The following FHIT variants were observed in gnomAD, a reference collection of about 807,000 sequenced individuals.
FHIT encodes bis(5'-adenosyl)-triphosphatase.
In FHIT, 19 loss-of-function variants were observed where a neutral mutation model predicts 17.9. The ratio of observed to expected loss-of-function variants is 1.06; its 90% CI spans 0.74 to 1.56. FHIT has a LOEUF of 1.56. FHIT is among the 40% of genes most tolerant of loss of function. The pLI is 0.00. For missense variants in FHIT, 248 were observed against 189.2 expected (o/e 1.31, Z -1.82); for synonymous variants, 81 against 69.7 (o/e 1.16, Z -0.81).
chr3:60,851,174 G>T (rs782166382), intron 3 of FHIT, among the ~76,000 whole-genome samples: 1 of 152,118 alleles, frequency 6.6e-6, no homozygotes, highest in African/African-American at 2.4e-5. Context: ...TAGCTGAGTG[G>T]CATCTTAAAT....
At chr3:59,794,996 G>A (rs7649319) in intron 8 of FHIT, among the ~76,000 whole-genome samples, 4,056 of 152,240 alleles carry the variant, frequency 0.027, 182 homozygotes, top group African/African-American at 0.09. Context: ...GCATAATAAT[G>A]GAACTTACTT....
intron 5 of FHIT, among the ~76,000 whole-genome samples, chr3:60,381,788 G>A (rs992854285): frequency 6.8e-6 from 1 of 146,292 alleles, no homozygotes; most frequent in Non-Finnish European, 1.5e-5. Flanking sequence ...ATAGACTAGA[G>A]GCTTAATAGT....
chr3:60,387,218 C>T (rs571879826), intron 5 of FHIT, among the ~76,000 whole-genome samples: 25 of 151,968 alleles, frequency 1.6e-4, no homozygotes, highest in Admixed American at 3.9e-4. Flanking sequence ...CTGGAACTCC[C>T]GACCTCAAGT....
At chr3:60,977,680 T>C (rs1021145363) in intron 3 of FHIT, among the ~76,000 whole-genome samples, 1 of 152,126 alleles carries the variant, frequency 6.6e-6, no homozygotes, top group African/African-American at 2.4e-5. Context: ...GAGACCAGGC[T>C]GACCAACATA....
At chr3:60,103,946 C>T (rs1343550744) in intron 5 of FHIT, among the ~76,000 whole-genome samples, 2 of 152,136 alleles carry the variant, frequency 1.3e-5, no homozygotes, top group Non-Finnish European at 2.9e-5. Context: ...TCTGCTTTCC[C>T]TCCTTATAGA....
intron 4 of FHIT, among the ~76,000 whole-genome samples, chr3:60,675,423 C>A (rs1198369034): frequency 6.6e-6 from 1 of 152,092 alleles, no homozygotes; most frequent in Non-Finnish European, 1.5e-5. Flanking sequence ...TGTCTCTGCC[C>A]GGGAACAAAA....
intron 5 of FHIT, among the ~76,000 whole-genome samples, chr3:60,530,368 G>C (rs772160817): frequency 6.6e-6 from 1 of 152,162 alleles, no homozygotes; most frequent in Non-Finnish European, 1.5e-5. Flanking sequence ...GAAGGGGCCA[G>C]GGCAAAGTGC....
chr3:60,193,658 T>C (rs1244686586), intron 5 of FHIT, among the ~76,000 whole-genome samples: 1 of 152,190 alleles, frequency 6.6e-6, no homozygotes, highest in Admixed American at 6.5e-5. Context: ...TGCTCAAGCA[T>C]TCAAATATTT....
intron 2 of FHIT, among the ~76,000 whole-genome samples, chr3:61,199,497 G>A (rs927077636): frequency 1.3e-5 from 2 of 152,110 alleles, no homozygotes; most frequent in African/African-American, 2.4e-5. Flanking sequence ...CAGTTTTCAT[G>A]CACCAGAGTT....
chr3:60,895,656 T>G (rs1705755278), intron 3 of FHIT, among the ~76,000 whole-genome samples: 1 of 136,516 alleles, frequency 7.3e-6, no homozygotes, highest in Admixed American at 7.0e-5. Context: ...TTTCCCTCCT[T>G]CCTTCCTTCC....
chr3:61,032,638 C>G (rs2033061752), intron 3 of FHIT, among the ~76,000 whole-genome samples: 2 of 152,142 alleles, frequency 1.3e-5, no homozygotes, highest in Non-Finnish European at 2.9e-5. Flanking sequence ...CCTAAACAAT[C>G]AGCTTTGGGG....
intron 3 of FHIT, among the ~76,000 whole-genome samples, chr3:60,904,492 G>GA (rs1405610767): frequency 7.9e-6 from 1 of 126,950 alleles, no homozygotes; most frequent in Non-Finnish European, 1.7e-5. Flanking sequence ...AAAAAAAAAA[G>GA]AAAAAAAAAA....
chr3:60,498,660 C>A (rs1452986720), intron 5 of FHIT, among the ~76,000 whole-genome samples: 1 of 152,126 alleles, frequency 6.6e-6, no homozygotes, highest in Non-Finnish European at 1.5e-5. Context: ...AATATTTGTA[C>A]TCCACTGCAC....
intron 5 of FHIT, among the ~76,000 whole-genome samples, chr3:60,299,730 A>G (rs1441003502): frequency 6.6e-6 from 1 of 151,994 alleles, no homozygotes; most frequent in East Asian, 1.9e-4. Context: ...CTGGCTCTCT[A>G]CTTGGCTTTC....
intron 2 of FHIT, among the ~76,000 whole-genome samples, chr3:61,132,993 T>C (rs1263472723): frequency 6.6e-6 from 1 of 152,146 alleles, no homozygotes; most frequent in Non-Finnish European, 1.5e-5. Context: ...AAAACAGGCA[T>C]TTCACAGGCA....
intron 2 of FHIT, among the ~76,000 whole-genome samples, chr3:61,154,657 G>A (rs547813653): frequency 6.6e-6 from 1 of 152,064 alleles, no homozygotes; most frequent in South Asian, 2.1e-4. Flanking sequence ...CATTGCTTTC[G>A]GCCATCTGAT....
intron 7 of FHIT, among the ~76,000 whole-genome samples, chr3:59,923,322 G>A (rs2107196462): frequency 6.6e-6 from 1 of 151,616 alleles, no homozygotes; most frequent in East Asian, 2.0e-4. Flanking sequence ...TGAGGACAGG[G>A]CGCCACAGGA....
chr3:60,376,041 A>G (rs1700545690), intron 5 of FHIT, among the ~76,000 whole-genome samples: 1 of 152,200 alleles, frequency 6.6e-6, no homozygotes, highest in Non-Finnish European at 1.5e-5. Flanking sequence ...CAGAAGCAGA[A>G]GAAGACAGCT....
chr3:61,074,053 C>T (rs1245257016), intron 2 of FHIT, among the ~76,000 whole-genome samples: 2 of 152,160 alleles, frequency 1.3e-5, no homozygotes, highest in Admixed American at 6.6e-5. Context: ...TATTAACCAA[C>T]TTTCAGGCTC....
Sources: allele counts gnomAD v4.1 joint callset (sites outside exome capture counted in the v4.1 genomes callset), GRCh38; gene constraint gnomAD v4.1.1; transcripts MANE v1.5; gene names NCBI Gene and HGNC (gene_info 2026-07-23, HGNC 2026-07-21).